The following SCHIP1 variants were observed in gnomAD, a reference collection of about 807,000 sequenced individuals.
SCHIP1 encodes schwannomin-interacting protein 1.
In SCHIP1, 8 loss-of-function variants were observed where a neutral mutation model predicts 29.7. That is an observed-to-expected ratio of 0.27 (90% CI 0.16 to 0.49). SCHIP1 has a LOEUF of 0.49. Ranked by LOEUF, SCHIP1 falls within the 20% of genes least tolerant of loss-of-function variation. The probability of loss-of-function intolerance (pLI) is 0.99; values close to 1 mark genes in which losing one functional copy is unlikely to be tolerated. For missense variants in SCHIP1, 193 were observed against 294.6 expected (o/e 0.66, Z 2.52); for synonymous variants, 76 against 94.9 (o/e 0.80, Z 1.16).
chr3:159,391,427 A>T, the SCHIP1 span, among the ~76,000 whole-genome samples: 1 of 151,856 alleles, frequency 6.6e-6, no homozygotes, highest in East Asian at 1.9e-4. Flanking sequence ...ATATCTAGGT[A>T]CAGTGGGGCT....
the SCHIP1 span, among the ~76,000 whole-genome samples, chr3:159,402,500 T>C: frequency 2.0e-5 from 3 of 152,216 alleles, no homozygotes; most frequent in Non-Finnish European, 4.4e-5. Context: ...ATTGTGGCAT[T>C]ATTCACAATA....
At chr3:159,491,252 C>T in the SCHIP1 span, among the ~76,000 whole-genome samples, 28 of 152,196 alleles carry the variant, frequency 1.8e-4, no homozygotes, top group African/African-American at 4.8e-4. Context: ...TGCTGGACAG[C>T]GGGTGAAGGA....
At chr3:159,522,171 A>G in the SCHIP1 span, among the ~76,000 whole-genome samples, 1 of 152,260 alleles carries the variant, frequency 6.6e-6, no homozygotes, top group Non-Finnish European at 1.5e-5. Context: ...AGTTTTTTCA[A>G]TTGCAACAAA....
chr3:159,870,954 T>A (rs2109300826), intron 2 of SCHIP1, among the ~76,000 whole-genome samples: 1 of 152,296 alleles, frequency 6.6e-6, no homozygotes, highest in South Asian at 2.1e-4. Context: ...TAACGACAGC[T>A]TCCATTTCTT....
chr3:159,668,367 A>C, the SCHIP1 span, among the ~76,000 whole-genome samples: 1 of 136,006 alleles, frequency 7.4e-6, no homozygotes, highest in African/African-American at 2.8e-5. Context: ...ACAGAGCGAG[A>C]CTCCGTCTCA....
the SCHIP1 span, among the ~76,000 whole-genome samples, chr3:159,520,450 C>G: frequency 6.6e-6 from 1 of 152,094 alleles, no homozygotes. Flanking sequence ...TGTGACTGCT[C>G]AAAAAGCCAG....
At chr3:159,553,099 A>C in the SCHIP1 span, among the ~76,000 whole-genome samples, 1 of 152,168 alleles carries the variant, frequency 6.6e-6, no homozygotes, top group Non-Finnish European at 1.5e-5. Flanking sequence ...GTCAAACCAA[A>C]TAATTTTCCT....
the SCHIP1 span, among the ~76,000 whole-genome samples, chr3:159,784,440 A>C: frequency 1.3e-5 from 2 of 152,244 alleles, no homozygotes; most frequent in Admixed American, 1.3e-4. Context: ...TCCCTATGGA[A>C]CATTGTAGAT....
the SCHIP1 span, among the ~76,000 whole-genome samples, chr3:159,638,857 AAAAC>A: frequency 7.9e-5 from 12 of 152,112 alleles, no homozygotes; most frequent in African/African-American, 1.7e-4. Context: ...TGTAGATAAT[AAAAC>A]AAACAAATAG....
chr3:159,353,763 T>C, the SCHIP1 span, among the ~76,000 whole-genome samples: 1 of 152,198 alleles, frequency 6.6e-6, no homozygotes, highest in African/African-American at 2.4e-5. Context: ...CTTGTAGTAG[T>C]AATAAGAATA....
At chr3:159,299,767 A>G in the SCHIP1 span, among the ~76,000 whole-genome samples, 4 of 152,246 alleles carry the variant, frequency 2.6e-5, no homozygotes, top group East Asian at 1.9e-4. Flanking sequence ...TCTGATGCCC[A>G]CAAATGGCCA....
the SCHIP1 span, among the ~76,000 whole-genome samples, chr3:159,366,825 T>C: frequency 6.6e-6 from 1 of 152,010 alleles, no homozygotes; most frequent in Admixed American, 6.6e-5. Context: ...ATGCTTTTGA[T>C]AGGAAAAAAG....
the SCHIP1 span, among the ~76,000 whole-genome samples, chr3:159,670,712 A>G: frequency 4.1e-4 from 62 of 151,324 alleles, no homozygotes; most frequent in Non-Finnish European, 4.3e-4. Flanking sequence ...TTTTAAAAAG[A>G]TACTTCATTG....
the SCHIP1 span, among the ~76,000 whole-genome samples, chr3:159,578,038 T>C: frequency 6.6e-6 from 1 of 152,178 alleles, no homozygotes; most frequent in South Asian, 2.1e-4. Context: ...AAATGAAAAT[T>C]CTACTCATAG....
At chr3:159,685,999 G>T in the SCHIP1 span, among the ~76,000 whole-genome samples, 2 of 152,222 alleles carry the variant, frequency 1.3e-5, no homozygotes, top group Non-Finnish European at 2.9e-5. Context: ...TTTGGACTGT[G>T]AAACTGAGCT....
the SCHIP1 span, among the ~76,000 whole-genome samples, chr3:159,681,272 C>T: frequency 6.7e-6 from 1 of 149,644 alleles, no homozygotes; most frequent in African/African-American, 2.5e-5. Flanking sequence ...TTTGGATTTC[C>T]AGAAGAGGAG....
the SCHIP1 span, among the ~76,000 whole-genome samples, chr3:159,672,948 A>G: frequency 6.6e-6 from 1 of 152,198 alleles, no homozygotes; most frequent in African/African-American, 2.4e-5. Context: ...CTAATACAAC[A>G]TGCCCCTCCC....
chr3:159,523,742 C>T, the SCHIP1 span, among the ~76,000 whole-genome samples: 3 of 152,208 alleles, frequency 2.0e-5, no homozygotes, highest in African/African-American at 7.2e-5. Context: ...ATCCTCCAAC[C>T]AGTAGGGCCT....
chr3:159,817,145 G>T, the SCHIP1 span, among the ~76,000 whole-genome samples: 1 of 152,268 alleles, frequency 6.6e-6, no homozygotes, highest in South Asian at 2.1e-4. Flanking sequence ...TGGATTAAAT[G>T]AAGGAATTAA....
Sources: allele counts gnomAD v4.1 joint callset (sites outside exome capture counted in the v4.1 genomes callset), GRCh38; gene constraint gnomAD v4.1.1; transcripts MANE v1.5; gene names NCBI Gene and HGNC (gene_info 2026-07-23, HGNC 2026-07-21).